DPH6: variants seen among roughly 807,000 people sequenced by gnomAD.
DPH6 encodes the protein diphthamine biosynthesis 6.
DPH6 carries 33 observed loss-of-function variants against 38.2 expected under a neutral mutation model. The ratio of observed to expected loss-of-function variants is 0.86; its 90% CI spans 0.65 to 1.15. DPH6 has a LOEUF of 1.15. Ranked by LOEUF, DPH6 falls within the 50% of genes most tolerant of loss-of-function variation. DPH6 has a pLI of 0.00. For missense variants in DPH6, 325 were observed against 320.0 expected (o/e 1.02, Z -0.12); for synonymous variants, 108 against 103.0 (o/e 1.05, Z -0.30).
intron 6 of DPH6, among the ~76,000 whole-genome samples, chr15:35,390,032 G>A (rs577781981): frequency 4.6e-5 from 7 of 152,228 alleles, no homozygotes; most frequent in South Asian, 4.1e-4. Flanking sequence ...TTTAGGGCAG[G>A]CCTGGTGGTG....
At chr15:35,450,953 T>C (rs537760872) in intron 4 of DPH6, 150 bp from the exon 5 acceptor site, 76 of 601,754 alleles carry the variant, frequency 1.3e-4, no homozygotes, top group Admixed American at 4.7e-4. Flanking sequence ...ATAATGTTTA[T>C]ATATACAACA....
intron 2 of DPH6, 121 bp from the exon 3 acceptor site, chr15:35,538,588 T>C (rs1347423854): frequency 1.6e-5 from 13 of 811,244 alleles, no homozygotes; most frequent in Non-Finnish European, 2.3e-5. Context: ...TGCTATACTA[T>C]GTTTCTCTGC....
At chr15:35,322,894 T>A (rs1169147440) in intron 3 of DPH6, among the ~76,000 whole-genome samples, 1 of 152,140 alleles carries the variant, frequency 6.6e-6, no homozygotes, top group African/African-American at 2.4e-5. Context: ...TGAACTCTAT[T>A]ATATGCCTCT....
chr15:35,481,323 A>T (rs535082611), intron 3 of DPH6, among the ~76,000 whole-genome samples: 1 of 152,302 alleles, frequency 6.6e-6, no homozygotes, highest in South Asian at 2.1e-4. Context: ...CAAAAACTCT[A>T]CTGGACAAGT....
chr15:35,474,218 T>C (rs2054237320), intron 3 of DPH6, among the ~76,000 whole-genome samples: 1 of 152,138 alleles, frequency 6.6e-6, no homozygotes, highest in Non-Finnish European at 1.5e-5. Flanking sequence ...CTAAACCAAG[T>C]TAAATTTTTC....
At chr15:35,176,959 A>T in the DPH6 span, among the ~76,000 whole-genome samples, 1 of 152,240 alleles carries the variant, frequency 6.6e-6, no homozygotes, top group African/African-American at 2.4e-5. Flanking sequence ...AGCGTACGGC[A>T]TCTGATTCTA....
intron 3 of DPH6, among the ~76,000 whole-genome samples, chr15:35,484,426 T>A (rs2054369657): frequency 1.3e-5 from 2 of 152,208 alleles, no homozygotes; most frequent in South Asian, 4.1e-4. Context: ...AGGGCAATGA[T>A]CTCATCTGAA....
At chr15:35,526,425 C>T (rs1195965815) in intron 3 of DPH6, among the ~76,000 whole-genome samples, 1 of 152,074 alleles carries the variant, frequency 6.6e-6, no homozygotes, top group Non-Finnish European at 1.5e-5. Context: ...GTTAGATAGG[C>T]TTAATTTTGG....
intron 3 of DPH6, among the ~76,000 whole-genome samples, chr15:35,253,339 T>C (rs909064468): frequency 1.3e-5 from 2 of 152,234 alleles, no homozygotes; most frequent in African/African-American, 4.8e-5. Context: ...AGACCATTTT[T>C]TTCGGCTAAA....
chr15:35,544,355 G>A (rs2055310549), intron 1 of DPH6, among the ~76,000 whole-genome samples: 2 of 136,020 alleles, frequency 1.5e-5, no homozygotes, highest in Non-Finnish European at 3.2e-5. Flanking sequence ...GCCTGTGGGG[G>A]TTTGGGGGTT....
At chr15:35,394,691 T>C (rs1291770809) in intron 6 of DPH6, among the ~76,000 whole-genome samples, 1 of 152,198 alleles carries the variant, frequency 6.6e-6, no homozygotes, top group African/African-American at 2.4e-5. Context: ...AAGCGCTTTC[T>C]CTGAGCCTTG....
intron 3 of DPH6, among the ~76,000 whole-genome samples, chr15:35,244,313 C>T (rs943809399): frequency 6.6e-6 from 1 of 152,138 alleles, no homozygotes. Flanking sequence ...CTTGAATGAC[C>T]TCTTTAAATG....
At chr15:35,307,191 A>G (rs1444422522) in intron 3 of DPH6, among the ~76,000 whole-genome samples, 1 of 152,150 alleles carries the variant, frequency 6.6e-6, no homozygotes, top group Non-Finnish European at 1.5e-5. Flanking sequence ...TAGGTCATCA[A>G]AATTAACATC....
intron 3 of DPH6, among the ~76,000 whole-genome samples, chr15:35,472,133 A>C (rs1000232575): frequency 2.0e-5 from 3 of 152,226 alleles, no homozygotes; most frequent in African/African-American, 4.8e-5. Flanking sequence ...GAACTTTATA[A>C]GATTAGGACT....
At chr15:35,191,095 A>C in the DPH6 span, among the ~76,000 whole-genome samples, 1 of 152,186 alleles carries the variant, frequency 6.6e-6, no homozygotes, top group Admixed American at 6.5e-5. Context: ...TTTGTTCTAA[A>C]TTTTGATGAA....
At chr15:35,380,731 T>C (rs545991738) in intron 7 of DPH6, among the ~76,000 whole-genome samples, 3 of 152,318 alleles carry the variant, frequency 2.0e-5, no homozygotes, top group Admixed American at 6.5e-5. Flanking sequence ...AAAATAAATA[T>C]GTCCTCTCCC....
At chr15:35,273,693 A>G (rs986368430) in intron 3 of DPH6, among the ~76,000 whole-genome samples, 4 of 152,232 alleles carry the variant, frequency 2.6e-5, no homozygotes, top group African/African-American at 9.6e-5. Flanking sequence ...AATACAACTT[A>G]CAAGGGATGT....
intron 3 of DPH6, among the ~76,000 whole-genome samples, chr15:35,526,182 C>T (rs1181511144): frequency 1.3e-5 from 2 of 152,146 alleles, no homozygotes; most frequent in African/African-American, 4.8e-5. Context: ...CCTCCCTTCC[C>T]ACCTCCCTGC....
intron 7 of DPH6, among the ~76,000 whole-genome samples, chr15:35,377,004 A>G (rs2052790116): frequency 1.3e-5 from 2 of 152,164 alleles, no homozygotes; most frequent in African/African-American, 4.8e-5. Context: ...ATATATGCAC[A>G]TATATATACA....
Sources: gnomAD v4.1 joint callset for allele counts (sites outside exome capture counted in the v4.1 genomes callset) on GRCh38, gnomAD v4.1.1 for gene constraint, MANE v1.5 for transcripts, NCBI Gene and HGNC (gene_info 2026-07-23, HGNC 2026-07-21) for gene names.